KLF8: variants seen among roughly 807,000 people sequenced by gnomAD.
The protein encoded by KLF8 is KLF transcription factor 8.
A neutral mutation model predicts 18.2 loss-of-function variants in KLF8; 10 were observed. The observed-to-expected ratio is 0.55, with a 90% CI of 0.34 to 0.93. KLF8 has a LOEUF of 0.93. Among genes scored for constraint, KLF8 ranks in the 40% least tolerant of loss-of-function variants. KLF8 has a pLI of 0.02. For synonymous variants in KLF8, 109 were observed against 97.3 expected, an observed-to-expected ratio of 1.12 and a Z score of -0.71; for missense variants, 264 against 277.9, an observed-to-expected ratio of 0.95 and a Z score of 0.36.
At chrX:56,035,606 C>T in the KLF8 span, among the ~76,000 whole-genome samples, 18 of 112,270 alleles carry the variant, frequency 1.6e-4, no homozygotes, top group African/African-American at 5.2e-4. Context: ...TTTCTTTTCT[C>T]TTCATCCTTG....
chrX:56,019,874 G>C, the KLF8 span, among the ~76,000 whole-genome samples: 1 of 111,634 alleles, frequency 9.0e-6, no homozygotes, highest in African/African-American at 3.3e-5. Context: ...GGTAGGTCAA[G>C]CTAGATCTTA....
At chrX:56,070,361 C>T in the KLF8 span, among the ~76,000 whole-genome samples, 1 of 111,218 alleles carries the variant, frequency 9.0e-6, no homozygotes, top group Non-Finnish European at 1.9e-5. Flanking sequence ...CACATGTGTA[C>T]CTATGTAACA....
the KLF8 span, among the ~76,000 whole-genome samples, chrX:56,045,759 T>A: frequency 1.8e-5 from 2 of 111,746 alleles, no homozygotes; most frequent in East Asian, 5.6e-4. Context: ...TAAATTTGTG[T>A]CCTGAATTTT....
At chrX:56,121,113 G>A in the KLF8 span, among the ~76,000 whole-genome samples, 1 of 105,675 alleles carries the variant, frequency 9.5e-6, no homozygotes, top group Non-Finnish European at 1.9e-5. Flanking sequence ...GTGAACCCGG[G>A]AGGCGGAGCT....
the KLF8 span, among the ~76,000 whole-genome samples, chrX:56,095,496 A>G: frequency 8.9e-6 from 1 of 112,355 alleles, no homozygotes; most frequent in African/African-American, 3.2e-5. Flanking sequence ...CACAGCAAAA[A>G]AAAAGCTAGA....
At chrX:56,177,160 TG>T in the KLF8 span, among the ~76,000 whole-genome samples, 5 of 111,940 alleles carry the variant, frequency 4.5e-5, no homozygotes, top group Non-Finnish European at 9.4e-5. Context: ...TGCATTCCTT[TG>T]GAGGAGGAGA....
the KLF8 span, among the ~76,000 whole-genome samples, chrX:56,051,731 C>G: frequency 9.2e-6 from 1 of 108,109 alleles, no homozygotes; most frequent in African/African-American, 3.5e-5. Context: ...TTTGGTGAAT[C>G]TGACAATTAT....
intron 3 of KLF8, chrX:56,268,958 A>C: frequency 1.1e-6 from 1 of 945,340 alleles, no homozygotes; most frequent in African/African-American, 2.0e-5. Context: ...GACTAATCCT[A>C]GAATTTGATT....
the KLF8 span, among the ~76,000 whole-genome samples, chrX:56,010,170 A>G: frequency 1.8e-5 from 2 of 111,480 alleles, no homozygotes; most frequent in Non-Finnish European, 3.8e-5. Context: ...CAGATTCTCC[A>G]AGGCTGAAAT....
chrX:55,942,375 G>T, the KLF8 span, among the ~76,000 whole-genome samples: 28 of 109,871 alleles, frequency 2.5e-4, no homozygotes, highest in Non-Finnish European at 7.6e-5. Context: ...TGTGGGGTGG[G>T]GGGTGGTGGG....
chrX:56,161,114 G>A, the KLF8 span, among the ~76,000 whole-genome samples: 1 of 111,324 alleles, frequency 9.0e-6, no homozygotes, highest in African/African-American at 3.3e-5. Context: ...ACATTTGCTC[G>A]TCTGTAAAGT....
At chrX:56,108,090 T>G in the KLF8 span, among the ~76,000 whole-genome samples, 9 of 111,987 alleles carry the variant, frequency 8.0e-5, no homozygotes, top group African/African-American at 2.6e-4. Flanking sequence ...TGTTATTAGC[T>G]CCCATAGGTT....
intron 4 of KLF8, 21 bp downstream of exon 4, chrX:56,269,510 A>G: frequency 8.7e-7 from 1 of 1,148,179 alleles, no homozygotes; most frequent in East Asian, 3.1e-5. Context: ...TTTGTCTTCA[A>G]GTCTGTCTTT....
the KLF8 span, among the ~76,000 whole-genome samples, chrX:55,977,862 CTT>C: frequency 9.0e-6 from 1 of 110,755 alleles, no homozygotes; most frequent in Admixed American, 9.7e-5. Context: ...CCAGGAGCCT[CTT>C]TATATAGTAA....
the KLF8 span, among the ~76,000 whole-genome samples, chrX:56,087,748 T>A: frequency 8.9e-6 from 1 of 111,982 alleles, no homozygotes; most frequent in Non-Finnish European, 1.9e-5. Flanking sequence ...TTCATTAGAG[T>A]TTTCAGGCCT....
chrX:56,212,014 C>G, the KLF8 span, among the ~76,000 whole-genome samples: 2 of 111,270 alleles, frequency 1.8e-5, no homozygotes, highest in Admixed American at 1.9e-4. Context: ...CCCAAGGGTA[C>G]TTCATTTAGC....
At chrX:56,020,663 T>G in the KLF8 span, among the ~76,000 whole-genome samples, 2 of 111,736 alleles carry the variant, frequency 1.8e-5, no homozygotes, top group African/African-American at 6.5e-5. Flanking sequence ...TTCCAGAGTG[T>G]CTATGTTGAG....
chrX:56,093,426 G>C, the KLF8 span, among the ~76,000 whole-genome samples: 1 of 111,065 alleles, frequency 9.0e-6, no homozygotes. Flanking sequence ...GTTGAAGGAA[G>C]TTAAAATAAC....
the KLF8 span, among the ~76,000 whole-genome samples, chrX:55,933,054 GT>G: frequency 1.4e-4 from 15 of 109,669 alleles, no homozygotes; most frequent in East Asian, 5.7e-4. Flanking sequence ...TCAAATGGAT[GT>G]TTTTTTTTCT....
Sources: gnomAD v4.1 joint callset for allele counts (sites outside exome capture counted in the v4.1 genomes callset) on GRCh38, gnomAD v4.1.1 for gene constraint, MANE v1.5 for transcripts, NCBI Gene and HGNC (gene_info 2026-07-23, HGNC 2026-07-21) for gene names.